TMEM117: variants seen among roughly 807,000 people sequenced by gnomAD.
TMEM117 encodes transmembrane protein 117.
A neutral mutation model predicts 52.4 loss-of-function variants in TMEM117; 27 were observed. That is an observed-to-expected ratio of 0.51 (90% CI 0.38 to 0.71). TMEM117 has a LOEUF of 0.71. Ranked by LOEUF, TMEM117 falls within the 30% of genes least tolerant of loss-of-function variation. The probability of loss-of-function intolerance (pLI) is 0.00; values close to 1 mark genes in which losing one functional copy is unlikely to be tolerated. For missense variants in TMEM117, 556 were observed against 630.5 expected, an observed-to-expected ratio of 0.88 and a Z score of 1.26; for synonymous variants, 215 against 206.3, an observed-to-expected ratio of 1.04 and a Z score of -0.36.
chr12:43,821,510 G>A, the TMEM117 span, among the ~76,000 whole-genome samples: 1 of 152,080 alleles, frequency 6.6e-6, no homozygotes, highest in Non-Finnish European at 1.5e-5. Context: ...CAAACTCCTG[G>A]GCTGAAGCAA....
intron 3 of TMEM117, among the ~76,000 whole-genome samples, chr12:44,111,894 T>C (rs1234599699): frequency 3.4e-5 from 3 of 86,994 alleles, no homozygotes; most frequent in Non-Finnish European, 6.2e-5. Flanking sequence ...GGTGCTCCTG[T>C]ATTGGGTGCA....
At chr12:44,118,662 T>C (rs1406486827) in intron 3 of TMEM117, among the ~76,000 whole-genome samples, 2 of 152,218 alleles carry the variant, frequency 1.3e-5, no homozygotes, top group Non-Finnish European at 2.9e-5. Flanking sequence ...TTTTTGTGTG[T>C]GTGTTTTTGA....
chr12:43,864,233 CT>C (rs913373067), intron 2 of TMEM117, among the ~76,000 whole-genome samples: 12 of 152,230 alleles, frequency 7.9e-5, no homozygotes, highest in African/African-American at 2.9e-4. Context: ...GCACCTCCCC[CT>C]GCTTCATGGC....
intron 2 of TMEM117, among the ~76,000 whole-genome samples, chr12:43,904,875 GGCTCACGC>G (rs1465113956): frequency 6.6e-6 from 1 of 152,226 alleles, no homozygotes; most frequent in Non-Finnish European, 1.5e-5. Context: ...TGGGCGTGGT[GGCTCACGC>G]CTGTAATCCC....
chr12:44,194,373 AT>A (rs1336896745), intron 4 of TMEM117, among the ~76,000 whole-genome samples: 1 of 152,218 alleles, frequency 6.6e-6, no homozygotes, highest in East Asian at 1.9e-4. Context: ...AATTTTTCAA[AT>A]TGGTGGCAGT....
chr12:44,018,285 A>G (rs1946402907), intron 3 of TMEM117, among the ~76,000 whole-genome samples: 1 of 152,222 alleles, frequency 6.6e-6, no homozygotes, highest in African/African-American at 2.4e-5. Flanking sequence ...TTTCGTTCAA[A>G]AATTCATTTT....
intron 2 of TMEM117, among the ~76,000 whole-genome samples, chr12:43,921,832 G>A (rs905432899): frequency 5.9e-5 from 9 of 152,022 alleles, no homozygotes; most frequent in Admixed American, 1.3e-4. Context: ...TTGAATAAAT[G>A]CATTCCCCCA....
the TMEM117 span, among the ~76,000 whole-genome samples, chr12:43,812,871 A>AC: frequency 6.6e-6 from 1 of 151,466 alleles, no homozygotes; most frequent in Non-Finnish European, 1.5e-5. Context: ...AAAAAAAAAA[A>AC]AAAAGTAGCC....
At chr12:43,852,348 G>A (rs769460338) in intron 2 of TMEM117, among the ~76,000 whole-genome samples, 41 of 152,168 alleles carry the variant, frequency 2.7e-4, no homozygotes, top group Non-Finnish European at 4.7e-4. Flanking sequence ...GGAGATTGGC[G>A]TGAACCCGGG....
intron 4 of TMEM117, among the ~76,000 whole-genome samples, chr12:44,162,246 A>C (rs929662892): frequency 6.6e-6 from 1 of 152,182 alleles, no homozygotes; most frequent in African/African-American, 2.4e-5. Flanking sequence ...CTTCACTTCT[A>C]CAACAGTTGA....
In TMEM117 at chr12:43,874,074, A is replaced by C. The variant is rs555510406; in HGVS notation, c.277+29146A>C. 1.2e-4 allele frequency among the ~76,000 whole-genome samples: 18 copies of C among 151,156 alleles called. No homozygotes were observed. The East Asian group carries it at 1.9e-3, about 16-fold the overall frequency. Reference sequence around the variant, plus strand: ...TCTTTTCATTTATTTATTCTGTTCTATTTTCCTATCTTAGTTTTTCCCACA... The same window carrying C: ...TCTTTTCATTTATTTATTCTGTTCTCTTTTCCTATCTTAGTTTTTCCCACA... On this transcript the variant is annotated intron_variant, in intron 2 of 7. Coordinates refer to ENST00000266534, the MANE Select transcript of TMEM117 (RefSeq NM_032256.3).
intron 3 of TMEM117, among the ~76,000 whole-genome samples, chr12:44,121,649 C>A (rs11834667): frequency 0.23 from 35,623 of 151,942 alleles, 7,075 homozygotes; most frequent in African/African-American, 0.55. Flanking sequence ...GCAACAGTAG[C>A]CTATTAGTAG....
chr12:44,379,300 G>A (rs1437801915), intron 7 of TMEM117, among the ~76,000 whole-genome samples: 1 of 152,050 alleles, frequency 6.6e-6, no homozygotes, highest in Non-Finnish European at 1.5e-5. Context: ...AGGCTGCAGT[G>A]AGCCATGATG....
At chr12:43,812,445 CTGCAA>C in the TMEM117 span, among the ~76,000 whole-genome samples, 1 of 152,190 alleles carries the variant, frequency 6.6e-6, no homozygotes, top group Non-Finnish European at 1.5e-5. Flanking sequence ...TCTTTACTCA[CTGCAA>C]TGCAGCACAT....
intron 6 of TMEM117, among the ~76,000 whole-genome samples, chr12:44,351,953 G>T (rs1443057983): frequency 6.6e-6 from 1 of 151,862 alleles, no homozygotes; most frequent in African/African-American, 2.4e-5. Flanking sequence ...TTAAAAAAAA[G>T]CTGAAATTGC....
chr12:44,211,404 CTTAT>C lies in TMEM117; in HGVS notation c.608+24_608+27del. On this transcript the variant is annotated intron_variant, in intron 5 of 7. Coordinates refer to ENST00000266534, the MANE Select transcript of TMEM117 (RefSeq NM_032256.3). The stretch of plus-strand genomic sequence containing the variant: ...TTTATTCTGGTAGGAAATTGTTTCA[CTTAT>C]TTATTTCTGCCTTGCCTCATTCACT... 1 of 1,559,826 alleles carries C rather than the reference CTTAT, an allele frequency of 6.4e-7. No homozygotes were observed. The highest frequency in any genetic ancestry group is 8.8e-7 in the Non-Finnish European group (1 of 1,138,442).
At chr12:43,800,374 T>A in the TMEM117 span, 1 of 1,249,802 alleles carries the variant, frequency 8.0e-7, no homozygotes, top group Non-Finnish European at 1.1e-6. Flanking sequence ...ACCCATTACC[T>A]AGGAGTTCCT....
chr12:44,201,571 A>C (rs980919329), intron 4 of TMEM117, among the ~76,000 whole-genome samples: 1 of 152,206 alleles, frequency 6.6e-6, no homozygotes, highest in African/African-American at 2.4e-5. Flanking sequence ...AACTATAAAA[A>C]GTATACTTTA....
At chr12:44,278,728 T>G (rs965227194) in intron 5 of TMEM117, among the ~76,000 whole-genome samples, 41 of 152,256 alleles carry the variant, frequency 2.7e-4, no homozygotes, top group Admixed American at 2.4e-3. Flanking sequence ...ATCAGAAATA[T>G]GGTTTTGCCC....
Sources: gnomAD v4.1 joint callset for allele counts (sites outside exome capture counted in the v4.1 genomes callset) on GRCh38, gnomAD v4.1.1 for gene constraint, MANE v1.5 for transcripts, NCBI Gene and HGNC (gene_info 2026-07-23, HGNC 2026-07-21) for gene names.